TRPC7: variants seen among roughly 807,000 people sequenced by gnomAD.
The protein encoded by TRPC7 is transient receptor potential cation channel subfamily C member 7.
TRPC7 carries 42 observed loss-of-function variants against 90.1 expected under a neutral mutation model. The ratio of observed to expected loss-of-function variants is 0.47; its 90% confidence interval spans 0.36 to 0.60. The LOEUF (loss-of-function observed/expected upper bound fraction) is 0.60, where lower values mean the gene tolerates loss of function less well. Ranked by LOEUF, TRPC7 falls within the 20% of genes least tolerant of loss-of-function variation. TRPC7 has a pLI of 0.00. For synonymous variants in TRPC7, 451 were observed against 436.3 expected, an observed-to-expected ratio of 1.03 and a Z score of -0.42; for missense variants, 955 against 1,112.3, an observed-to-expected ratio of 0.86 and a Z score of 2.01.
At chr5:136,259,741 G>A (rs1756797003) in intron 5 of TRPC7, among the ~76,000 whole-genome samples, 1 of 152,204 alleles carries the variant, frequency 6.6e-6, no homozygotes, top group South Asian at 2.1e-4. Flanking sequence ...GATTCTCCAG[G>A]CTGGAAGGAG....
At chr5:136,285,110 C>T (rs980206625) in intron 3 of TRPC7, among the ~76,000 whole-genome samples, 1 of 152,148 alleles carries the variant, frequency 6.6e-6, no homozygotes, top group Non-Finnish European at 1.5e-5. Context: ...AGGAGACATG[C>T]AGGTAGCTCA....
intron 1 of TRPC7, among the ~76,000 whole-genome samples, chr5:136,359,890 CT>C (rs897379262): frequency 6.6e-6 from 1 of 151,978 alleles, no homozygotes; most frequent in Non-Finnish European, 1.5e-5. Flanking sequence ...CTCAGAAACA[CT>C]TTTTTTTATT....
At chr5:136,319,810 A>T (rs1417942313) in intron 2 of TRPC7, among the ~76,000 whole-genome samples, 2 of 152,136 alleles carry the variant, frequency 1.3e-5, no homozygotes, top group African/African-American at 4.8e-5. Flanking sequence ...TTCTGTCTTT[A>T]TCTTTTTTCT....
intron 2 of TRPC7, among the ~76,000 whole-genome samples, chr5:136,337,541 C>T (rs1561724446): frequency 6.6e-6 from 1 of 152,004 alleles, no homozygotes; most frequent in Admixed American, 6.6e-5. Flanking sequence ...TGATGAGTGC[C>T]TGTAGTCTCA....
At chr5:136,336,958 T>C (rs955684532) in intron 2 of TRPC7, among the ~76,000 whole-genome samples, 43 of 152,210 alleles carry the variant, frequency 2.8e-4, no homozygotes, top group African/African-American at 9.6e-4. Flanking sequence ...ACACAGCAGT[T>C]CACATTGTAT....
chr5:136,354,957 G>A (rs1760315365), intron 2 of TRPC7, among the ~76,000 whole-genome samples: 1 of 152,198 alleles, frequency 6.6e-6, no homozygotes, highest in South Asian at 2.1e-4. Flanking sequence ...AGCCCTCCCT[G>A]AAAAACGTGT....
chr5:136,233,396 T>C (rs571073804), intron 7 of TRPC7, among the ~76,000 whole-genome samples: 1 of 152,334 alleles, frequency 6.6e-6, no homozygotes, highest in African/African-American at 2.4e-5. Flanking sequence ...GTGAAAAAGA[T>C]GTCATCCACC....
intron 10 of TRPC7, among the ~76,000 whole-genome samples, chr5:136,219,484 TG>T (rs1755380545): frequency 6.6e-6 from 1 of 152,194 alleles, no homozygotes. Flanking sequence ...CTTCATGTCC[TG>T]CCAGGCACAG....
intron 3 of TRPC7, among the ~76,000 whole-genome samples, chr5:136,299,194 G>A (rs561260028): frequency 1.9e-3 from 295 of 152,028 alleles, no homozygotes; most frequent in Non-Finnish European, 2.8e-3. Flanking sequence ...CCAGCTACTC[G>A]GGAGGCTGAG....
intron 4 of TRPC7, among the ~76,000 whole-genome samples, chr5:136,271,275 A>G (rs192570764): frequency 1.3e-5 from 2 of 152,258 alleles, no homozygotes; most frequent in Non-Finnish European, 2.9e-5. Context: ...TCCTGGGGTA[A>G]ATTTTGAAGA....
chr5:136,325,540 A>G (rs1759320058), intron 2 of TRPC7, among the ~76,000 whole-genome samples: 1 of 152,104 alleles, frequency 6.6e-6, no homozygotes, highest in Non-Finnish European at 1.5e-5. Context: ...ATCATTGTCT[A>G]TGATATCAGT....
chr5:136,323,856 A>T (rs1026927414), intron 2 of TRPC7, among the ~76,000 whole-genome samples: 4 of 152,142 alleles, frequency 2.6e-5, no homozygotes, highest in Admixed American at 1.3e-4. Context: ...GTTCATATCT[A>T]CAAGAAGTTC....
chr5:136,330,293 T>A (rs1759462146), intron 2 of TRPC7, among the ~76,000 whole-genome samples: 2 of 152,266 alleles, frequency 1.3e-5, no homozygotes, highest in South Asian at 2.1e-4. Context: ...GTGCTTACTA[T>A]GTCCAGGCTC....
At chr5:136,288,560 G>C (rs1182201886) in intron 3 of TRPC7, among the ~76,000 whole-genome samples, 1 of 151,932 alleles carries the variant, frequency 6.6e-6, no homozygotes, top group Admixed American at 6.6e-5. Flanking sequence ...CTATGTACTG[G>C]AACTTTATAA....
rs1008452524 is a variant in TRPC7, at chr5:136,233,386, G to A, written c.1845-1837C>T. ...CCTCATGTGAGATGCAGCATTTTGT[G>A]TGAAAAAGATGTCATCCACCCTGTG... On this transcript the variant is annotated intron_variant, in intron 7 of 11. Transcript: ENST00000513104. Among the ~76,000 whole-genome samples, 44 of 152,182 alleles carry A rather than the reference G, an allele frequency of 2.9e-4. 1 individual carries two copies. Among genetic ancestry groups the A allele is most frequent in the Admixed American group, 2.8e-3 (43 of 15,276 alleles).
intron 2 of TRPC7, among the ~76,000 whole-genome samples, chr5:136,344,191 T>C (rs1759932820): frequency 6.6e-6 from 1 of 152,198 alleles, no homozygotes; most frequent in African/African-American, 2.4e-5. Flanking sequence ...AAATACTGCA[T>C]GTTTTCACTT....
chr5:136,222,501 T>G (rs1247260230), intron 10 of TRPC7, among the ~76,000 whole-genome samples: 1 of 152,162 alleles, frequency 6.6e-6, no homozygotes, highest in African/African-American at 2.4e-5. Context: ...TGGAAGCTGC[T>G]GTGGGAGGAA....
At chr5:136,309,853 C>G (rs891477140) in intron 3 of TRPC7, among the ~76,000 whole-genome samples, 3 of 152,168 alleles carry the variant, frequency 2.0e-5, no homozygotes, top group Non-Finnish European at 4.4e-5. Flanking sequence ...GGCTAATATC[C>G]TGTCCCTTTC....
rs774995886 is a variant in TRPC7, at chr5:136,225,329, C to A, written c.2288G>T (p.Arg763Met). The A allele has an allele frequency of 6.2e-7, 1 of 1,612,926 alleles. No homozygotes were observed. The highest frequency in any genetic ancestry group is 2.2e-5 in the East Asian group (1 of 44,858). ...ATTTGCTGTCAGATTTTCAGAATTC[C>A]TCATGCCAGCCTGGTAGCGAGTCTT... ...FKKTRYQAGM[R>M]NSENLTANNT... Residue 763 changes from arginine (R) to methionine (M), a missense_variant, in exon 10 of 12, where the codon AGG becomes ATG. Physicochemically the swap from Arg to Met is moderately conservative, Grantham distance 91. Coordinates refer to ENST00000513104, the MANE Select transcript of TRPC7 (RefSeq NM_020389.3).
Sources: gnomAD v4.1 joint callset for allele counts (sites outside exome capture counted in the v4.1 genomes callset) on GRCh38, gnomAD v4.1.1 for gene constraint, MANE v1.5 for transcripts, NCBI Gene and HGNC (gene_info 2026-07-23, HGNC 2026-07-21) for gene names.